PTPRM: variants seen among roughly 807,000 people sequenced by gnomAD.
PTPRM encodes protein tyrosine phosphatase receptor type M.
PTPRM carries 47 observed loss-of-function variants against 186.7 expected under a neutral mutation model. That is an observed-to-expected ratio of 0.25 (90% CI 0.20 to 0.32). PTPRM has a LOEUF of 0.32. PTPRM is among the 10% of genes least tolerant of loss of function. The pLI, the probability that PTPRM is intolerant of heterozygous loss-of-function variation, is 1.00. For synonymous variants in PTPRM, 668 were observed against 674.9 expected, an observed-to-expected ratio of 0.99 and a Z score of 0.16; for missense variants, 1,494 against 1,865.0, an observed-to-expected ratio of 0.80 and a Z score of 3.66.
intron 2 of PTPRM, among the ~76,000 whole-genome samples, chr18:7,837,258 A>G (rs2046095849): frequency 6.6e-6 from 1 of 151,970 alleles, no homozygotes; most frequent in Non-Finnish European, 1.5e-5. Context: ...CTTCAAACTC[A>G]TTGGTTGTTT....
At chr18:8,245,982 C>T (rs916910502) in intron 15 of PTPRM, among the ~76,000 whole-genome samples, 14 of 152,166 alleles carry the variant, frequency 9.2e-5, no homozygotes, top group Non-Finnish European at 1.8e-4. Context: ...CACAACTGAT[C>T]GGCTATTAGA....
chr18:8,298,165 C>T (rs895248372), intron 20 of PTPRM, among the ~76,000 whole-genome samples: 1 of 152,192 alleles, frequency 6.6e-6, no homozygotes, highest in African/African-American at 2.4e-5. Flanking sequence ...AACATGGTTT[C>T]TTGGTCTATC....
chr18:8,040,055 A>G (rs1295721799), intron 7 of PTPRM, among the ~76,000 whole-genome samples: 1 of 152,214 alleles, frequency 6.6e-6, no homozygotes, highest in Non-Finnish European at 1.5e-5. Context: ...TTACCAAAGA[A>G]GTAGTCATTT....
chr18:7,579,160 G>C (rs1480872394), intron 1 of PTPRM, among the ~76,000 whole-genome samples: 1 of 152,148 alleles, frequency 6.6e-6, no homozygotes, highest in Admixed American at 6.5e-5. Flanking sequence ...AAATAATCAT[G>C]TTAAAATTGG....
chr18:7,631,451 G>GTTTTTTT (rs74388341), intron 1 of PTPRM, among the ~76,000 whole-genome samples: 1 of 139,790 alleles, frequency 7.2e-6, no homozygotes, highest in African/African-American at 2.6e-5. Context: ...CTACAAGGCT[G>GTTTTTTT]TTTTTTTTTT....
intron 2 of PTPRM, among the ~76,000 whole-genome samples, chr18:7,834,602 C>G (rs969724292): frequency 6.7e-6 from 1 of 149,390 alleles, no homozygotes; most frequent in Admixed American, 6.7e-5. Context: ...GTTTTGATAT[C>G]ACAGTCATAC....
intron 19 of PTPRM, among the ~76,000 whole-genome samples, chr18:8,257,512 A>C (rs1452678143): frequency 6.6e-6 from 1 of 152,232 alleles, no homozygotes; most frequent in Non-Finnish European, 1.5e-5. Flanking sequence ...CAATGCTTAA[A>C]AGGTAATACC....
intron 20 of PTPRM, among the ~76,000 whole-genome samples, chr18:8,303,530 C>T (rs904169682): frequency 3.3e-5 from 5 of 152,068 alleles, no homozygotes; most frequent in African/African-American, 9.7e-5. Flanking sequence ...CCTGGCAGAG[C>T]GAGCTTTTGG....
intron 2 of PTPRM, among the ~76,000 whole-genome samples, chr18:7,851,653 A>C (rs2889680): frequency 0.52 from 77,688 of 150,224 alleles, 20,440 homozygotes; most frequent in East Asian, 0.74. Context: ...AAAAAAAAAA[A>C]CTGAGGCAAT....
intron 14 of PTPRM, among the ~76,000 whole-genome samples, chr18:8,150,548 A>G (rs979487767): frequency 6.6e-6 from 1 of 152,160 alleles, no homozygotes. Context: ...CAATTTGTCT[A>G]ACCTTTTCTC....
At chr18:7,940,339 A>G (rs987746609) in intron 5 of PTPRM, among the ~76,000 whole-genome samples, 3 of 152,196 alleles carry the variant, frequency 2.0e-5, no homozygotes, top group Non-Finnish European at 4.4e-5. Flanking sequence ...GAGAGCAACT[A>G]TGGTAAGTAA....
At chr18:7,966,744 A>G (rs1390348222) in intron 7 of PTPRM, among the ~76,000 whole-genome samples, 1 of 142,708 alleles carries the variant, frequency 7.0e-6, no homozygotes, top group Non-Finnish European at 1.6e-5. Flanking sequence ...TGCGCTTTTC[A>G]GACCGGCTTA....
rs550132881 is a variant in PTPRM, at chr18:7,950,470, A to G, written c.838+1115A>G. Among the ~76,000 whole-genome samples the G allele has an allele frequency of 7.9e-5, 12 of 152,278 alleles. No homozygotes were observed. The South Asian group carries it at 2.3e-3, about 29-fold the overall frequency. Reference sequence around the variant, plus strand: ...ATAGCTTTTATCTGCACATTTCTCAAGATAGGCAGCTTTAAAGATTGCTGG... The same window carrying G: ...ATAGCTTTTATCTGCACATTTCTCAGGATAGGCAGCTTTAAAGATTGCTGG... On this transcript the variant is annotated intron_variant, in intron 6 of 32. Coordinates refer to ENST00000580170, the MANE Select transcript of PTPRM (RefSeq NM_001105244.2).
chr18:8,057,455 C>A lies in PTPRM; in HGVS notation c.1133-12231C>A, dbSNP rs1023509333. Reference sequence around the variant, plus strand: ...TTTTTTTTTTTTTTTTTTAGCTATTCTTTTTTTTTTATTATACTTTAAGTT... The same window carrying A: ...TTTTTTTTTTTTTTTTTTAGCTATTATTTTTTTTTTATTATACTTTAAGTT... On this transcript the variant is annotated intron_variant, in intron 7 of 32. Transcript: ENST00000580170. Among the ~76,000 whole-genome samples, 27 of 78,088 alleles carry A rather than the reference C, an allele frequency of 3.5e-4. No homozygotes were observed. The East Asian group carries it at 7.2e-3, about 21-fold the overall frequency. 51.2% of individuals were successfully genotyped at this position (78,088 alleles called of 152,430 possible).
At chr18:7,649,741 TAAAGAA>T (rs1568004731) in intron 1 of PTPRM, among the ~76,000 whole-genome samples, 1 of 150,726 alleles carries the variant, frequency 6.6e-6, no homozygotes, top group Non-Finnish European at 1.5e-5. Flanking sequence ...ATACTAATAA[TAAAGAA>T]AAAGAAAAAG....
intron 7 of PTPRM, among the ~76,000 whole-genome samples, chr18:8,044,885 A>T (rs2086935272): frequency 6.6e-6 from 1 of 152,218 alleles, no homozygotes; most frequent in South Asian, 2.1e-4. Context: ...GGAAAAATTG[A>T]ATCCCTCGTA....
chr18:7,960,466 TATATATATATATATACAC>T (rs748175595), intron 7 of PTPRM, among the ~76,000 whole-genome samples: 1 of 122,150 alleles, frequency 8.2e-6, no homozygotes, highest in Non-Finnish European at 1.7e-5. Flanking sequence ...TATATATATA[TATATATATATATATACAC>T]ACACACACAC....
At chr18:7,724,696 G>C (rs1471408482) in intron 1 of PTPRM, among the ~76,000 whole-genome samples, 4 of 152,322 alleles carry the variant, frequency 2.6e-5, no homozygotes, top group South Asian at 2.1e-4. Flanking sequence ...TAGCAGGAAG[G>C]CTGTAGCAGA....
chr18:8,241,606 T>C (rs2147275528), intron 14 of PTPRM, among the ~76,000 whole-genome samples: 1 of 152,320 alleles, frequency 6.6e-6, no homozygotes, highest in Non-Finnish European at 1.5e-5. Flanking sequence ...TGAACCTCCA[T>C]GGGGCATCAG....
Sources: allele counts gnomAD v4.1 joint callset (sites outside exome capture counted in the v4.1 genomes callset), GRCh38; gene constraint gnomAD v4.1.1; transcripts MANE v1.5; gene names NCBI Gene and HGNC (gene_info 2026-07-23, HGNC 2026-07-21).